Variants in CA10 observed in about 807,000 individuals in gnomAD.
The protein encoded by CA10 is carbonic anhydrase-related protein 10.
In CA10, 14 loss-of-function variants were observed where a neutral mutation model predicts 44.2. The observed-to-expected ratio is 0.32, with a 90% confidence interval of 0.21 to 0.50. The LOEUF (loss-of-function observed/expected upper bound fraction) is 0.50, where lower values mean the gene tolerates loss of function less well. CA10 is among the 20% of genes least tolerant of loss of function. The pLI, the probability that CA10 is intolerant of heterozygous loss-of-function variation, is 0.99. For missense variants in CA10, 350 were observed against 409.7 expected, an observed-to-expected ratio of 0.85 and a Z score of 1.26; for synonymous variants, 159 against 141.6, an observed-to-expected ratio of 1.12 and a Z score of -0.87.
intron 4 of CA10, among the ~76,000 whole-genome samples, chr17:51,680,197 G>C (rs1312274805): frequency 6.6e-6 from 1 of 152,212 alleles, no homozygotes; most frequent in East Asian, 1.9e-4. Flanking sequence ...AGACTTCATG[G>C]AGGAAGAGTA....
chr17:51,752,196 G>A (rs569584311), intron 3 of CA10, among the ~76,000 whole-genome samples: 1 of 151,678 alleles, frequency 6.6e-6, no homozygotes, highest in South Asian at 2.1e-4. Flanking sequence ...AAAAATAAAG[G>A]CTTGACAACG....
chr17:52,029,635 C>T (rs9895521), intron 2 of CA10, among the ~76,000 whole-genome samples: 50,045 of 151,904 alleles, frequency 0.33, 10,030 homozygotes, highest in East Asian at 0.73. Flanking sequence ...TGTGGAAGAT[C>T]AGCGAGACAT....
At chr17:51,973,207 G>GA (rs1984343588) in intron 2 of CA10, among the ~76,000 whole-genome samples, 1 of 152,196 alleles carries the variant, frequency 6.6e-6, no homozygotes, top group East Asian at 1.9e-4. Flanking sequence ...ATCTGTGAAA[G>GA]AAAAACACAC....
chr17:51,723,535 T>C (rs1916418945), intron 4 of CA10, among the ~76,000 whole-genome samples: 1 of 151,790 alleles, frequency 6.6e-6, no homozygotes, highest in Non-Finnish European at 1.5e-5. Context: ...AGATATCATC[T>C]ATGGGAAAGA....
intron 3 of CA10, among the ~76,000 whole-genome samples, chr17:51,749,007 AG>A (rs1904802232): frequency 6.6e-6 from 1 of 152,068 alleles, no homozygotes; most frequent in Non-Finnish European, 1.5e-5. Context: ...ATGGGTTGGG[AG>A]GGGTCATGAC....
At position 51,824,737 on chromosome 17, in the gene CA10, G is replaced by A. The variant is rs1428154571; in HGVS notation, c.280-76919C>T. Among the ~76,000 whole-genome samples, 3 of 152,154 alleles carry A rather than the reference G, an allele frequency of 2.0e-5. No individual in the cohort carries two copies. In the East Asian group the frequency reaches 5.8e-4, roughly 29 times the overall value. On this transcript the variant is annotated intron_variant, in intron 3 of 8. Coordinates refer to ENST00000451037, the MANE Select transcript of CA10 (RefSeq NM_020178.5). ...GGGCATTTCCTCCCTCCAGGCCTTT[G>A]GGCAACTGCTCCTAGACTTTGGGAT...
chr17:51,659,329 T>C (rs1913915036), intron 4 of CA10, among the ~76,000 whole-genome samples: 1 of 152,144 alleles, frequency 6.6e-6, no homozygotes, highest in African/African-American at 2.4e-5. Context: ...CGACCACCTC[T>C]CTCCCTGTGG....
chr17:51,958,293 C>T (rs571718899), intron 2 of CA10, among the ~76,000 whole-genome samples: 1 of 150,958 alleles, frequency 6.6e-6, no homozygotes, highest in Admixed American at 6.6e-5. Flanking sequence ...CATTAATTCC[C>T]TTGGCTCTAC....
At chr17:51,699,696 C>T (rs1438530733) in intron 4 of CA10, among the ~76,000 whole-genome samples, 2 of 152,130 alleles carry the variant, frequency 1.3e-5, no homozygotes, top group East Asian at 1.9e-4. Flanking sequence ...TTGCATGTCC[C>T]GACAGATGGC....
At chr17:51,890,498 G>A (rs1567874850) in intron 3 of CA10, among the ~76,000 whole-genome samples, 3 of 152,064 alleles carry the variant, frequency 2.0e-5, no homozygotes, top group African/African-American at 7.2e-5. Context: ...GGGCTATTTT[G>A]TTGTTTGTTT....
chr17:51,683,166 T>C (rs1255131707), intron 4 of CA10, among the ~76,000 whole-genome samples: 1 of 152,230 alleles, frequency 6.6e-6, no homozygotes, highest in Admixed American at 6.5e-5. Context: ...ACCCTTTTCA[T>C]GGCTTCATGG....
intron 3 of CA10, among the ~76,000 whole-genome samples, chr17:51,826,278 G>A (rs765765323): frequency 1.7e-4 from 26 of 152,204 alleles, no homozygotes; most frequent in African/African-American, 3.4e-4. Context: ...CTGGGACACC[G>A]TCAGCAAAGT....
chr17:51,878,689 A>G (rs1246985450), intron 3 of CA10, among the ~76,000 whole-genome samples: 1 of 151,622 alleles, frequency 6.6e-6, no homozygotes, highest in Non-Finnish European at 1.5e-5. Context: ...AGATTATTGC[A>G]TGTATTGAGG....
At chr17:52,000,764 C>T (rs1366056339) in intron 2 of CA10, among the ~76,000 whole-genome samples, 4 of 151,946 alleles carry the variant, frequency 2.6e-5, no homozygotes, top group Non-Finnish European at 5.9e-5. Flanking sequence ...ACAAATAAAC[C>T]TATGAGGGTA....
At position 52,072,319 on chromosome 17, in the gene CA10, C is replaced by T. The variant is rs1987700849; in HGVS notation, c.136G>A (p.Val46Ile). Residue 46 changes from valine (V) to isoleucine (I), a missense_variant and splice_region_variant, in exon 2 of 9, where the codon GTT (valine) becomes ATT (isoleucine). Transcript: ENST00000451037. ...KEVVQGSFVP[V>I]PSFWGLVNSA... ...AATTAAAGAATTAATGTGTACTTACCTGGAACAAAGCTTCCCTGGACCACC... is the reference window on the plus strand; with the variant it reads ...AATTAAAGAATTAATGTGTACTTACTTGGAACAAAGCTTCCCTGGACCACC... 1 of 1,602,654 alleles carries T rather than the reference C, an allele frequency of 6.2e-7. No homozygotes were observed. Among genetic ancestry groups the T allele is most frequent in the Non-Finnish European group, 8.5e-7 (1 of 1,169,880 alleles).
At chr17:51,886,113 C>T (rs767701688) in intron 3 of CA10, among the ~76,000 whole-genome samples, 3 of 152,172 alleles carry the variant, frequency 2.0e-5, no homozygotes, top group Non-Finnish European at 4.4e-5. Flanking sequence ...ATAGCTAATG[C>T]CCATCCAGTA....
At chr17:52,010,767 T>A (rs891740244) in intron 2 of CA10, among the ~76,000 whole-genome samples, 1 of 151,156 alleles carries the variant, frequency 6.6e-6, no homozygotes, top group Non-Finnish European at 1.5e-5. Context: ...CAACATGAAC[T>A]TATTAATATT....
intron 2 of CA10, among the ~76,000 whole-genome samples, chr17:51,969,735 A>C (rs1424250484): frequency 1.3e-5 from 2 of 152,018 alleles, no homozygotes; most frequent in South Asian, 4.1e-4. Context: ...TTAGATCAAA[A>C]ATTTTATAAA....
At chr17:51,845,702 C>T (rs1000531288) in intron 3 of CA10, among the ~76,000 whole-genome samples, 1 of 152,190 alleles carries the variant, frequency 6.6e-6, no homozygotes, top group Non-Finnish European at 1.5e-5. Flanking sequence ...AACTTTATTT[C>T]CACTCCTTGT....
Sources: gnomAD v4.1 joint callset for allele counts (sites outside exome capture counted in the v4.1 genomes callset) on GRCh38, gnomAD v4.1.1 for gene constraint, MANE v1.5 for transcripts, NCBI Gene and HGNC (gene_info 2026-07-23, HGNC 2026-07-21) for gene names.